SOAT1: variants seen among roughly 807,000 people sequenced by gnomAD.
SOAT1 encodes the protein acyl-coenzyme A:cholesterol acyltransferase 1.
In SOAT1, 55 loss-of-function variants were observed where a neutral mutation model predicts 69.5. That is an observed-to-expected ratio of 0.79 (90% CI 0.64 to 0.99). The LOEUF (loss-of-function observed/expected upper bound fraction) is 0.99, where lower values mean the gene tolerates loss of function less well. Ranked by LOEUF, SOAT1 falls within the 50% of genes least tolerant of loss-of-function variation. The pLI is 0.00. For missense variants in SOAT1, 580 were observed against 669.3 expected (o/e 0.87, Z 1.47); for synonymous variants, 231 against 224.7 (o/e 1.03, Z -0.25).
chr1:179,294,014 G>T (rs534065039), intron 1 of SOAT1, 78 bp downstream of exon 1: 1 of 152,386 alleles, frequency 6.6e-6, no homozygotes, highest in Non-Finnish European at 1.5e-5. Context: ...AGGGAGAAGC[G>T]GTGGCGGCAG....
In SOAT1 at chr1:179,351,348, G is replaced by A; in HGVS notation, c.1482G>A (p.Arg494=). ...MAFNFIVNDS[R]KKPIWNVLMW... The stretch of plus-strand genomic sequence containing the variant: ...TCAACTTCATTGTCAATGATAGTCG[G>A]AAAAAGCCGATTTGGAATGTTCTGA... The change falls in exon 15 of 16, where the codon CGG becomes CGA. Residue 494 remains arginine, a synonymous_variant. Transcript: ENST00000367619. The A allele has an allele frequency of 6.2e-7, 1 of 1,614,080 alleles. No individual in the cohort carries two copies.
At chr1:179,333,290 A>C (rs1666031953) in intron 3 of SOAT1, among the ~76,000 whole-genome samples, 1 of 152,026 alleles carries the variant, frequency 6.6e-6, no homozygotes, top group Non-Finnish European at 1.5e-5. Flanking sequence ...GCCGAGCTTC[A>C]TTTATAGAAT....
chr1:179,339,342 C>A, intron 5 of SOAT1, 96 bp from the exon 6 acceptor site: 1 of 714,302 alleles, frequency 1.4e-6, no homozygotes, highest in Non-Finnish European at 2.2e-6. Context: ...AGCATCTTCT[C>A]AACTGCTTTA....
chr1:179,297,423 G>A (rs891901420), intron 1 of SOAT1, among the ~76,000 whole-genome samples: 68 of 152,088 alleles, frequency 4.5e-4, no homozygotes, highest in African/African-American at 1.5e-3. Flanking sequence ...TGCAACCTCC[G>A]CCTCCTGGGT....
chr1:179,293,882 G>T lies in SOAT1; in HGVS notation c.-63G>T, dbSNP rs953966211. On this transcript the variant is annotated 5_prime_UTR_variant, in exon 1 of 16. Coordinates refer to ENST00000367619, the MANE Select transcript of SOAT1 (RefSeq NM_003101.6). ...CCTTCCTGCTGGCTGCTCTGTGACC[G>T]CTTCCCGGCTCTGCCCTCTTGGCCG... 1 of 152,386 alleles carries T rather than the reference G, an allele frequency of 6.6e-6. No homozygotes were observed. The highest frequency in any genetic ancestry group is 1.5e-5 in the Non-Finnish European group (1 of 68,158). 9.4% of individuals were successfully genotyped at this position (152,386 alleles called of 1,614,324 possible).
At chr1:179,339,859 A>G (rs2248818) in intron 6 of SOAT1, among the ~76,000 whole-genome samples, 117,479 of 152,098 alleles carry the variant, frequency 0.77, 45,549 homozygotes, top group East Asian at 0.97. Context: ...CTATTTATAC[A>G]CAGAATTTTT....
chr1:179,311,103 C>T (rs549188558), intron 2 of SOAT1, among the ~76,000 whole-genome samples: 1 of 152,108 alleles, frequency 6.6e-6, no homozygotes, highest in African/African-American at 2.4e-5. Context: ...TGGTGGCTCA[C>T]GCTTATAATC....
At chr1:179,321,841 TA>T (rs1433865796) in intron 2 of SOAT1, among the ~76,000 whole-genome samples, 6 of 152,184 alleles carry the variant, frequency 3.9e-5, no homozygotes, top group African/African-American at 1.4e-4. Flanking sequence ...TCTGTTTGGT[TA>T]AATGGTTTCT....
chr1:179,348,759 GATGTGTGT>G (rs1558059246), intron 12 of SOAT1, 77 bp from the exon 13 acceptor site: 1 of 637,644 alleles, frequency 1.6e-6, no homozygotes, highest in Middle Eastern at 3.2e-4. Context: ...TTTCGGGTGG[GATGTGTGT>G]GTGTGTGTGT....
intron 9 of SOAT1, among the ~76,000 whole-genome samples, chr1:179,343,239 T>G (rs573165620): frequency 6.6e-4 from 100 of 152,172 alleles, no homozygotes; most frequent in Non-Finnish European, 1.3e-3. Context: ...TAATTTTAGT[T>G]TTTTCTGAGA....
intron 2 of SOAT1, among the ~76,000 whole-genome samples, chr1:179,309,456 CT>C (rs761507076): frequency 1.3e-5 from 2 of 152,110 alleles, no homozygotes; most frequent in African/African-American, 2.4e-5. Flanking sequence ...ATCAAATTTC[CT>C]TTAAAAAATG....
chr1:179,298,006 A>G (rs956207365), intron 1 of SOAT1, among the ~76,000 whole-genome samples: 1 of 151,212 alleles, frequency 6.6e-6, no homozygotes, highest in Admixed American at 6.6e-5. Flanking sequence ...CTGTCTCAAA[A>G]AAAAAAAAAG....
intron 1 of SOAT1, among the ~76,000 whole-genome samples, chr1:179,300,157 C>A (rs1363161951): frequency 6.6e-6 from 1 of 151,690 alleles, no homozygotes; most frequent in South Asian, 2.1e-4. Context: ...AAAAAAAAGT[C>A]TCTGTTCATC....
At chr1:179,326,386 C>G (rs564362896) in intron 3 of SOAT1, among the ~76,000 whole-genome samples, 8 of 152,268 alleles carry the variant, frequency 5.3e-5, no homozygotes, top group South Asian at 2.1e-4. Flanking sequence ...TATACCCCTA[C>G]TATATACTCT....
Position 179,342,117 on chromosome 1 carries a change from C to G in SOAT1, c.784C>G (p.Arg262Gly), listed in dbSNP as rs199970700. The G allele has an allele frequency of 1.2e-6, 2 of 1,613,132 alleles. No homozygotes were observed. The highest frequency in any genetic ancestry group is 1.7e-6 in the Non-Finnish European group (2 of 1,179,454). ...SRFIIIFEQI[R>G]FVMKAHSFVR... ...CTTTTTCCTCCTGCTTTTGTAGATT[C>G]GTTTTGTAATGAAGGCCCACTCATT... The change falls in exon 8 of 16, where the codon CGT becomes GGT. Residue 262 changes from arginine to glycine, a missense_variant. Coordinates refer to ENST00000367619, the MANE Select transcript of SOAT1 (RefSeq NM_003101.6).
chr1:179,324,709 T>G (rs577120805), intron 3 of SOAT1, among the ~76,000 whole-genome samples: 2 of 152,368 alleles, frequency 1.3e-5, no homozygotes, highest in East Asian at 3.9e-4. Flanking sequence ...AAGAGATTGT[T>G]TAAGGATTTG....
intron 1 of SOAT1, among the ~76,000 whole-genome samples, chr1:179,298,326 G>C (rs1163168748): frequency 1.3e-5 from 2 of 152,070 alleles, no homozygotes; most frequent in African/African-American, 4.8e-5. Flanking sequence ...CTGACCTGGT[G>C]ATCTGCCCAC....
In SOAT1 at chr1:179,299,745, C is replaced by CTTTTTTTTTTTTT. The variant is rs1162260815; in HGVS notation, c.-8-2918_-8-2906dup. ...ATTTATTTTTTAATCATTTTGCTAT[C>CTTTTTTTTTTTTT]TTTTTTTTTTTTTTTTTTTTTTTTT... On this transcript the variant is annotated intron_variant, in intron 1 of 15. Coordinates refer to ENST00000367619, the MANE Select transcript of SOAT1 (RefSeq NM_003101.6). Among the ~76,000 whole-genome samples the CTTTTTTTTTTTTT allele has an allele frequency of 3.6e-4, 25 of 69,520 alleles. 1 individual carries two copies. The highest frequency in any genetic ancestry group is 4.0e-4 in the Non-Finnish European group (16 of 39,850). The allele number at this position is 69,520 out of a possible 152,430, so 45.6% of individuals were successfully genotyped here. A position where few individuals can be genotyped will look rare whatever the true frequency, so the allele number is the denominator to read the frequency against.
chr1:179,304,702 G>A (rs1664945740), intron 2 of SOAT1, among the ~76,000 whole-genome samples: 1 of 152,058 alleles, frequency 6.6e-6, no homozygotes, highest in East Asian at 1.9e-4. Context: ...CACCTAGGCT[G>A]GAGTGGTGCA....
Sources: allele counts gnomAD v4.1 joint callset (sites outside exome capture counted in the v4.1 genomes callset), GRCh38; gene constraint gnomAD v4.1.1; transcripts MANE v1.5; gene names NCBI Gene and HGNC (gene_info 2026-07-23, HGNC 2026-07-21).